Variants in CDH23 observed in about 807,000 individuals in gnomAD.
The protein encoded by CDH23 is cadherin-23.
CDH23 carries 189 observed loss-of-function variants against 317.1 expected under a neutral mutation model. That is an observed-to-expected ratio of 0.60 (90% CI 0.53 to 0.67). CDH23 has a LOEUF of 0.67. CDH23 is among the 30% of genes least tolerant of loss of function. CDH23 has a pLI of 0.00. For missense variants in CDH23, 4,401 were observed against 4,592.4 expected, an observed-to-expected ratio of 0.96 and a Z score of 1.20; for synonymous variants, 1,839 against 1,876.8, an observed-to-expected ratio of 0.98 and a Z score of 0.52.
At chr10:71,548,992 A>G (rs1359871733) in intron 6 of CDH23, among the ~76,000 whole-genome samples, 1 of 152,266 alleles carries the variant, frequency 6.6e-6, no homozygotes. Flanking sequence ...TAATTAGTAC[A>G]GTTAACAGTG....
intron 9 of CDH23, among the ~76,000 whole-genome samples, chr10:71,590,003 C>A (rs1189693420): frequency 2.0e-5 from 3 of 152,198 alleles, no homozygotes; most frequent in Non-Finnish European, 4.4e-5. Context: ...GGTGATAGAA[C>A]TGGATACTGA....
intron 21 of CDH23, among the ~76,000 whole-genome samples, chr10:71,694,681 C>T (rs1865311200): frequency 6.6e-6 from 1 of 152,066 alleles, no homozygotes; most frequent in South Asian, 2.1e-4. Flanking sequence ...ATCTAATGTG[C>T]CCCAGAGAGT....
chr10:71,474,244 A>T (rs1851669536), intron 3 of CDH23, among the ~76,000 whole-genome samples: 1 of 152,184 alleles, frequency 6.6e-6, no homozygotes, highest in Admixed American at 6.5e-5. Flanking sequence ...CCAAAGGGAA[A>T]ATCCCTAAGG....
chr10:71,675,210 C>T lies in CDH23; in HGVS notation c.1514+34C>T, dbSNP rs370104659. ...CTGCCCACAGCCCCTCAGGCCCCTC[C>T]GCAGTGGTCCTTGGCCCTCCCCAGA... On this transcript the variant is annotated intron_variant, in intron 15 of 69. Coordinates refer to ENST00000224721, the MANE Select transcript of CDH23 (RefSeq NM_022124.6). 135 of 1,581,870 alleles carry T rather than the reference C, an allele frequency of 8.5e-5. 1 individual carries two copies. The highest frequency in any genetic ancestry group is 6.7e-5 in the Admixed American group (4 of 59,862).
intron 28 of CDH23, chr10:71,715,729 G>A: frequency 4.5e-6 from 2 of 440,952 alleles, no homozygotes; most frequent in Non-Finnish European, 8.0e-6. Flanking sequence ...GCAGCAGCGA[G>A]GGGGTCTGCA....
In CDH23 at chr10:71,793,583, G is replaced by C. The variant is rs555684781; in HGVS notation, c.6655G>C (p.Asp2219His). 1 of 1,610,378 alleles carries C rather than the reference G, an allele frequency of 6.2e-7. No homozygotes were observed. The highest frequency in any genetic ancestry group is 2.2e-5 in the East Asian group (1 of 44,812). ...YHIVGIVAKD[D>H]TDRLVPNQED... ...CATTGTCGGCATTGTGGCCAAGGAC[G>C]ACACTGATCGCCTGGTGCCCAACCA... Residue 2219 changes from aspartate (D) to histidine (H), a missense_variant, in exon 48 of 70, where the codon GAC (aspartate) becomes CAC (histidine). Coordinates refer to ENST00000224721, the MANE Select transcript of CDH23 (RefSeq NM_022124.6).
At position 71,646,457 on chromosome 10, in the gene CDH23, A is replaced by G; in HGVS notation, c.1291-2A>G. The G allele has an allele frequency of 1.2e-6, 2 of 1,613,482 alleles. No homozygotes were observed. The highest frequency in any genetic ancestry group is 1.7e-6 in the Non-Finnish European group (2 of 1,179,714). On this transcript the variant is annotated splice_acceptor_variant, in intron 13 of 69. Coordinates refer to ENST00000224721, the MANE Select transcript of CDH23 (RefSeq NM_022124.6). LOFTEE classifies it high-confidence loss of function. ...ACCTGGGCCCCTGTTCTGCACCCCC[A>G]GCTCTTTGCCAATGAGAGTGTGCCT... is the stretch of plus-strand genomic sequence containing the variant.
In CDH23 at chr10:71,815,509, A is replaced by AGGCCGGGCGCGGTGGCTC; in HGVS notation, c.*231_*232insGGCCGGGCGCGGTGGCTC. ...GATCTGTTATTTTTATAAGAAAACCAAACAAAAATGTTAAGCATCTAAGGA... is the reference window on the plus strand; with the variant it reads ...GATCTGTTATTTTTATAAGAAAACCAGGCCGGGCGCGGTGGCTCAACAAAAATGTTAAGCATCTAAGGA... On this transcript the variant is annotated 3_prime_UTR_variant, in exon 70 of 70. Transcript: ENST00000224721. 2 of 452,248 alleles carry AGGCCGGGCGCGGTGGCTC rather than the reference A, an allele frequency of 4.4e-6. No individual in the cohort carries two copies. Among genetic ancestry groups the AGGCCGGGCGCGGTGGCTC allele is most frequent in the Non-Finnish European group, 3.9e-6 (1 of 256,760 alleles). 28.0% of individuals were successfully genotyped at this position (452,248 alleles called of 1,614,324 possible). A position where few individuals can be genotyped will look rare whatever the true frequency, so the allele number is the denominator to read the frequency against.
intron 22 of CDH23, 143 bp from the exon 23 acceptor site, chr10:71,701,879 C>A: frequency 2.5e-6 from 2 of 801,728 alleles, no homozygotes; most frequent in South Asian, 1.7e-5. Context: ...CCCTACCGGG[C>A]CCAGCGGGGA....
chr10:71,625,421 A>AAAAAAAAAAC lies in CDH23; in HGVS notation c.1134+8031_1134+8032insAAAAAACAAA, dbSNP rs778124827. 8.7e-5 allele frequency among the ~76,000 whole-genome samples: 8 copies of AAAAAAAAAAC among 92,360 alleles called. 1 individual carries two copies. Among genetic ancestry groups the AAAAAAAAAAC allele is most frequent in the East Asian group, 3.4e-4 (1 of 2,978 alleles). The allele number at this position is 92,360 out of a possible 152,430, so 60.6% of individuals were successfully genotyped here. On this transcript the variant is annotated intron_variant, in intron 11 of 69. Coordinates refer to ENST00000224721, the MANE Select transcript of CDH23 (RefSeq NM_022124.6). ...TAAAAAAAAAAAAAAAAAAAAAAAA[A>AAAAAAAAAAC]AAATGACAAGGAGAAAAGGCCATAT...
intron 14 of CDH23, among the ~76,000 whole-genome samples, chr10:71,650,013 T>C (rs1336782035): frequency 2.0e-5 from 3 of 152,346 alleles, no homozygotes; most frequent in East Asian, 3.9e-4. Flanking sequence ...AGGTTCTATG[T>C]GGGACCACTG....
At chr10:71,405,787 G>A (rs556802881) in intron 1 of CDH23, among the ~76,000 whole-genome samples, 2 of 152,182 alleles carry the variant, frequency 1.3e-5, no homozygotes, top group South Asian at 2.1e-4. Context: ...TGGTGGGGTG[G>A]GGGATCCTTC....
At chr10:71,715,992 G>C in intron 28 of CDH23, 1 of 1,496,920 alleles carries the variant, frequency 6.7e-7, no homozygotes, top group Non-Finnish European at 8.9e-7. Context: ...TCGGGGCCCG[G>C]CAGGGGCTGT....
At chr10:71,671,416 G>A (rs191701645) in intron 14 of CDH23, among the ~76,000 whole-genome samples, 9 of 152,278 alleles carry the variant, frequency 5.9e-5, no homozygotes, top group Non-Finnish European at 1.2e-4. Context: ...TGCAGGGAAG[G>A]GGGTGTTTGC....
chr10:71,807,358 G>A lies in CDH23; in HGVS notation c.8260G>A (p.Val2754Met). Residue 2754 changes from valine to methionine, a missense_variant, in exon 58 of 70, where the codon GTG becomes ATG. Around this residue, in one of 3 missense-constraint regions of CDH23, gnomAD observed 1,144 missense variants for 1,138.2 expected, o/e 1.01. Coordinates refer to ENST00000224721, the MANE Select transcript of CDH23 (RefSeq NM_022124.6). Reference sequence around the variant, plus strand: ...CCTCGTGGGCAACGTGACAGGCGCAGTGGATGCAGATGAGGGCCCCAACGC... The same window carrying A: ...CCTCGTGGGCAACGTGACAGGCGCAATGGATGCAGATGAGGGCCCCAACGC... ...GTLVGNVTGA[V>M]DADEGPNAIV... The A allele has an allele frequency of 1.2e-6, 2 of 1,613,904 alleles. No homozygotes were observed. Among genetic ancestry groups the A allele is most frequent in the East Asian group, 2.2e-5 (1 of 44,876 alleles).
chr10:71,785,312 T>C (rs1317429851), intron 43 of CDH23, among the ~76,000 whole-genome samples: 2 of 152,220 alleles, frequency 1.3e-5, no homozygotes, highest in African/African-American at 4.8e-5. Flanking sequence ...AAGCTTGTCA[T>C]GTGCAGAGAT....
chr10:71,686,362 A>G (rs1169978682), intron 18 of CDH23, among the ~76,000 whole-genome samples: 3 of 152,042 alleles, frequency 2.0e-5, no homozygotes, highest in African/African-American at 4.8e-5. Context: ...GAATCCTGAG[A>G]CTGCTGGGTA....
chr10:71,730,302 C>G (rs560043210), intron 30 of CDH23, among the ~76,000 whole-genome samples, 167 bp from the exon 31 acceptor site: 1 of 152,324 alleles, frequency 6.6e-6, no homozygotes, highest in Non-Finnish European at 1.5e-5. Context: ...AGGTGCTGTG[C>G]AAGGTGGTGG....
At chr10:71,741,247 C>G (rs1839724184) in intron 37 of CDH23, among the ~76,000 whole-genome samples, 1 of 152,170 alleles carries the variant, frequency 6.6e-6, no homozygotes, top group Non-Finnish European at 1.5e-5. Flanking sequence ...ATTTATTATT[C>G]AGCCCTAAGA....
Sources: gnomAD v4.1 joint callset for allele counts (sites outside exome capture counted in the v4.1 genomes callset) on GRCh38, gnomAD v4.1.1 for gene constraint, gnomAD v4.1.1 regional missense constraint, MANE v1.5 for transcripts, NCBI Gene and HGNC (gene_info 2026-07-23, HGNC 2026-07-21) for gene names.